Variants in LRMDA observed in about 807,000 individuals in gnomAD.
The protein encoded by LRMDA is leucine-rich melanocyte differentiation-associated protein.
In LRMDA, 18 loss-of-function variants were observed where a neutral mutation model predicts 29.8. The ratio of observed to expected loss-of-function variants is 0.60; its 90% CI spans 0.42 to 0.90. The LOEUF is 0.90. LRMDA is among the 40% of genes least tolerant of loss of function. The pLI, the probability that LRMDA is intolerant of heterozygous loss-of-function variation, is 0.00. For synonymous variants in LRMDA, 125 were observed against 109.4 expected, an observed-to-expected ratio of 1.14 and a Z score of -0.89; for missense variants, 273 against 273.9, an observed-to-expected ratio of 1.00 and a Z score of 0.02.
chr10:76,441,794 G>A (rs1842306614), intron 6 of LRMDA, among the ~76,000 whole-genome samples: 1 of 152,110 alleles, frequency 6.6e-6, no homozygotes, highest in Admixed American at 6.5e-5. Context: ...GCCTGAGGAA[G>A]ATTTCCAATT....
chr10:75,622,357 T>C (rs890866998), intron 2 of LRMDA, among the ~76,000 whole-genome samples: 1 of 152,146 alleles, frequency 6.6e-6, no homozygotes, highest in Non-Finnish European at 1.5e-5. Context: ...AGATCAGATG[T>C]CCATGTGCAC....
At chr10:76,522,707 A>G (rs1292544724) in intron 6 of LRMDA, among the ~76,000 whole-genome samples, 1 of 152,096 alleles carries the variant, frequency 6.6e-6, no homozygotes, top group Admixed American at 6.5e-5. Context: ...AAACTCCTCA[A>G]GCTGCATTTC....
intron 2 of LRMDA, among the ~76,000 whole-genome samples, chr10:75,822,387 G>A (rs1342513070): frequency 6.6e-6 from 1 of 151,960 alleles, no homozygotes; most frequent in African/African-American, 2.4e-5. Context: ...TTACCATACT[G>A]CCCAAAGCAA....
At position 75,800,513 on chromosome 10, in the gene LRMDA, C is replaced by T. The variant is rs186756568; in HGVS notation, c.132-235495C>T. On this transcript the variant is annotated intron_variant, in intron 2 of 6. Coordinates refer to ENST00000611255, the MANE Select transcript of LRMDA (RefSeq NM_001305581.2). ...AGTGCAGTGGTGCAATCTCGGCTCA[C>T]TCAAACCTCCGCCTCCCGCGTTCAA... Among the ~76,000 whole-genome samples the T allele has an allele frequency of 3.5e-3, 539 of 151,920 alleles. 5 individuals carry two copies. The highest frequency in any genetic ancestry group is 0.011 in the African/African-American group (452 of 41,452).
Position 75,830,086 on chromosome 10 carries a change from G to A in LRMDA, c.132-205922G>A, listed in dbSNP as rs75818175. Among the ~76,000 whole-genome samples the A allele has an allele frequency of 1.2e-3, 184 of 152,170 alleles. 2 individuals are homozygous for A. The highest frequency in any genetic ancestry group is 1.5e-3 in the Non-Finnish European group (105 of 68,010). On this transcript the variant is annotated intron_variant, in intron 2 of 6. Transcript: ENST00000611255. ...GGAAGCATTTTTGAGACCTAGGTCA[G>A]CCACTTACCTGCTTATGAGCATTAC...
At chr10:76,201,399 A>G (rs1001707876) in intron 5 of LRMDA, among the ~76,000 whole-genome samples, 1 of 152,160 alleles carries the variant, frequency 6.6e-6, no homozygotes, top group Admixed American at 6.5e-5. Context: ...GAGTGGCCCT[A>G]TATTATTATT....
At chr10:76,277,774 C>T (rs1222220015) in intron 5 of LRMDA, among the ~76,000 whole-genome samples, 1 of 152,146 alleles carries the variant, frequency 6.6e-6, no homozygotes, top group Non-Finnish European at 1.5e-5. Context: ...CATGTTTTGT[C>T]CATGTTCTGT....
chr10:75,754,820 C>T (rs1329832513), intron 2 of LRMDA, among the ~76,000 whole-genome samples: 1 of 151,998 alleles, frequency 6.6e-6, no homozygotes, highest in Admixed American at 6.6e-5. Context: ...TGCCTGTCTG[C>T]GTATCTTCTG....
At chr10:75,505,517 A>G (rs1845159856) in intron 2 of LRMDA, among the ~76,000 whole-genome samples, 1 of 152,196 alleles carries the variant, frequency 6.6e-6, no homozygotes, top group African/African-American at 2.4e-5. Flanking sequence ...GGAGAAGAGC[A>G]GGAGCAAGGG....
At chr10:76,082,312 C>T (rs1267631589) in intron 5 of LRMDA, among the ~76,000 whole-genome samples, 2 of 152,044 alleles carry the variant, frequency 1.3e-5, no homozygotes, top group Non-Finnish European at 2.9e-5. Context: ...TTGCCTCAGG[C>T]TTGATTTCCC....
chr10:76,215,147 C>CTG (rs1387205889), intron 5 of LRMDA, among the ~76,000 whole-genome samples: 1 of 152,186 alleles, frequency 6.6e-6, no homozygotes, highest in African/African-American at 2.4e-5. Flanking sequence ...ACTCAAAGAC[C>CTG]TGGGCCTCAG....
At chr10:76,315,170 T>C (rs755230026) in intron 5 of LRMDA, among the ~76,000 whole-genome samples, 6 of 152,214 alleles carry the variant, frequency 3.9e-5, no homozygotes, top group Non-Finnish European at 5.9e-5. Context: ...GCCTTACCTA[T>C]AAAGTGGTAA....
chr10:76,435,104 A>G (rs1842232244), intron 6 of LRMDA, among the ~76,000 whole-genome samples: 2 of 152,220 alleles, frequency 1.3e-5, no homozygotes, highest in Non-Finnish European at 2.9e-5. Context: ...AACTAAGAAT[A>G]ATCTATATGA....
intron 2 of LRMDA, among the ~76,000 whole-genome samples, chr10:75,746,709 G>A (rs1473203127): frequency 6.6e-6 from 1 of 152,090 alleles, no homozygotes; most frequent in Non-Finnish European, 1.5e-5. Context: ...AGAGTGCGTG[G>A]GTAGAGAGTG....
chr10:75,870,245 C>T (rs1175687824), intron 2 of LRMDA, among the ~76,000 whole-genome samples: 1 of 152,202 alleles, frequency 6.6e-6, no homozygotes, highest in Non-Finnish European at 1.5e-5. Context: ...CAGCTGGGCC[C>T]ATTCATTTTG....
At chr10:76,553,847 C>A (rs754307091) in intron 6 of LRMDA, among the ~76,000 whole-genome samples, 1 of 152,080 alleles carries the variant, frequency 6.6e-6, no homozygotes, top group Non-Finnish European at 1.5e-5. Context: ...CCTTTCTCCC[C>A]GGGCGAGCAC....
At chr10:76,039,813 A>C (rs1409937889) in intron 3 of LRMDA, among the ~76,000 whole-genome samples, 1 of 152,206 alleles carries the variant, frequency 6.6e-6, no homozygotes, top group Non-Finnish European at 1.5e-5. Context: ...TCTCAGACAT[A>C]TTAGATTCTA....
At chr10:76,217,347 T>C (rs1385759626) in intron 5 of LRMDA, among the ~76,000 whole-genome samples, 1 of 152,214 alleles carries the variant, frequency 6.6e-6, no homozygotes, top group Non-Finnish European at 1.5e-5. Context: ...AACAATCCTT[T>C]GAAGCCAAGA....
intron 6 of LRMDA, among the ~76,000 whole-genome samples, chr10:76,342,405 T>A (rs1480052458): frequency 6.6e-6 from 1 of 152,052 alleles, no homozygotes. Context: ...AATAGATAGC[T>A]TGAAGTACAT....
Sources: gnomAD v4.1 joint callset for allele counts (sites outside exome capture counted in the v4.1 genomes callset) on GRCh38, gnomAD v4.1.1 for gene constraint, MANE v1.5 for transcripts, NCBI Gene and HGNC (gene_info 2026-07-23, HGNC 2026-07-21) for gene names.